Variants in LMO7 observed in about 807,000 individuals in gnomAD.
LMO7 encodes the protein LIM domain 7.
LMO7 carries 120 observed loss-of-function variants against 206.5 expected under a neutral mutation model. The ratio of observed to expected loss-of-function variants is 0.58; its 90% CI spans 0.50 to 0.68. The LOEUF is 0.68. Ranked by LOEUF, LMO7 falls within the 30% of genes least tolerant of loss-of-function variation. LMO7 has a pLI of 0.00. For synonymous variants in LMO7, 706 were observed against 681.5 expected, an observed-to-expected ratio of 1.04 and a Z score of -0.56; for missense variants, 1,959 against 1,957.9, an observed-to-expected ratio of 1.00 and a Z score of -0.01.
rs2060258663 is a variant in LMO7 at position 75,849,073 on chromosome 13, AT to A, written c.4151-3del. ...TCCCAAAGCTTTTGATTTGTTTTTA[AT>A]TTAGGAAACAATAAATATTTAGACC... On this transcript the variant is annotated splice_polypyrimidine_tract_variant and splice_region_variant and intron_variant, in intron 26 of 30. Transcript: ENST00000377534. 6.4e-7 allele frequency: 1 copy of A among 1,552,460 alleles called. No individual in the cohort carries two copies. The highest frequency in any genetic ancestry group is 1.4e-5 in the African/African-American group (1 of 73,340).
In LMO7 at chr13:75,681,706, G is replaced by GTGTATATATATATATA. The variant is rs1259746833; in HGVS notation, c.70-31475_70-31474insGTATATATATATATAT. On this transcript the variant is annotated intron_variant, in intron 1 of 30. Transcript: ENST00000377534. ...ATGTCATGTATGTATGTATGTATGT[G>GTGTATATATATATATA]TATATATATATGTATATATATATAT... Among the ~76,000 whole-genome samples the GTGTATATATATATATA allele has an allele frequency of 7.1e-4, 66 of 93,276 alleles. 2 individuals carry two copies. The highest frequency in any genetic ancestry group is 1.2e-3 in the Non-Finnish European group (53 of 44,972). 61.2% of individuals were successfully genotyped at this position (93,276 alleles called of 152,430 possible).
At position 75,839,922 on chromosome 13, in the gene LMO7, C is replaced by G. The variant is rs1023449771; in HGVS notation, c.3452-163C>G. The G allele has an allele frequency of 6.6e-6, 4 of 604,874 alleles. No homozygotes were observed. The South Asian group carries it at 7.2e-5, about 11-fold the overall frequency. The allele number at this position is 604,874 out of a possible 1,614,324, so 37.5% of individuals were successfully genotyped here. ...ATGAGTAACAGATGGAACTGTTACA[C>G]CTGGAGAAAAAAGGATTTACTGACT... is the stretch of plus-strand genomic sequence containing the variant. On this transcript the variant is annotated intron_variant, in intron 20 of 30. Transcript: ENST00000377534.
At chr13:75,710,114 T>C (rs938890922) in intron 1 of LMO7, among the ~76,000 whole-genome samples, 3 of 152,194 alleles carry the variant, frequency 2.0e-5, no homozygotes, top group African/African-American at 4.8e-5. Flanking sequence ...GTTGTAGATA[T>C]GCGGCATTAT....
chr13:75,816,610 C>A (rs1044579280), intron 11 of LMO7, among the ~76,000 whole-genome samples: 1 of 152,166 alleles, frequency 6.6e-6, no homozygotes, highest in Non-Finnish European at 1.5e-5. Flanking sequence ...TTAGAAACTA[C>A]CTGTGGTGCG....
intron 1 of LMO7, among the ~76,000 whole-genome samples, chr13:75,669,929 G>A (rs1018849603): frequency 2.0e-5 from 3 of 152,154 alleles, no homozygotes; most frequent in African/African-American, 4.8e-5. Context: ...CAGTGCCAAG[G>A]GTGTAGAGAA....
intron 4 of LMO7, among the ~76,000 whole-genome samples, chr13:75,761,426 A>G (rs2048210908): frequency 6.6e-6 from 1 of 152,198 alleles, no homozygotes; most frequent in Non-Finnish European, 1.5e-5. Flanking sequence ...GAATTAAGAC[A>G]TAATTATTAG....
intron 26 of LMO7, among the ~76,000 whole-genome samples, chr13:75,847,408 G>A (rs142090299): frequency 2.5e-4 from 38 of 152,304 alleles, no homozygotes; most frequent in Middle Eastern, 3.4e-3. Flanking sequence ...GCTTCTTAGA[G>A]TAGAAGCAAG....
chr13:75,678,349 C>T (rs868106002), intron 1 of LMO7, among the ~76,000 whole-genome samples: 86 of 152,248 alleles, frequency 5.6e-4, no homozygotes, highest in Non-Finnish European at 7.6e-4. Flanking sequence ...TGGTGTGAGA[C>T]GGTATCTCAT....
chr13:75,799,635 G>A (rs1256048888), intron 6 of LMO7, among the ~76,000 whole-genome samples: 1 of 152,026 alleles, frequency 6.6e-6, no homozygotes, highest in East Asian at 1.9e-4. Flanking sequence ...CTTAATCAAG[G>A]TTCACATATG....
intron 1 of LMO7, among the ~76,000 whole-genome samples, chr13:75,696,876 C>A (rs1197776082): frequency 3.3e-5 from 5 of 152,126 alleles, no homozygotes; most frequent in African/African-American, 1.2e-4. Context: ...TGCCACTCTC[C>A]TGAGAGTGGG....
intron 1 of LMO7, among the ~76,000 whole-genome samples, chr13:75,669,641 C>T (rs1014525816): frequency 2.0e-5 from 3 of 152,144 alleles, no homozygotes; most frequent in African/African-American, 7.2e-5. Flanking sequence ...ATATACTATA[C>T]CCTTTGTGCT....
chr13:75,813,944 T>C (rs2056720848), intron 11 of LMO7, among the ~76,000 whole-genome samples: 2 of 152,232 alleles, frequency 1.3e-5, no homozygotes, highest in South Asian at 4.1e-4. Flanking sequence ...TTGAAAAATT[T>C]TTCCTGCCTC....
chr13:75,712,789 G>C (rs1280559994), intron 1 of LMO7, among the ~76,000 whole-genome samples: 1 of 152,172 alleles, frequency 6.6e-6, no homozygotes, highest in African/African-American at 2.4e-5. Context: ...AGTGTATTCA[G>C]TGTCGTTGGT....
At chr13:75,834,421 A>C in intron 17 of LMO7, 34 bp downstream of exon 17, 1 of 1,500,962 alleles carries the variant, frequency 6.7e-7, no homozygotes, top group Non-Finnish European at 9.0e-7. Flanking sequence ...CTGGCATTTG[A>C]AACTGGGACC....
chr13:75,829,769 G>A (rs920300807), intron 15 of LMO7, among the ~76,000 whole-genome samples: 3 of 151,818 alleles, frequency 2.0e-5, no homozygotes, highest in African/African-American at 7.3e-5. Flanking sequence ...AGAAATAAGT[G>A]TTACTGTTGG....
chr13:75,818,698 A>G (rs2057295403), intron 12 of LMO7, among the ~76,000 whole-genome samples: 1 of 152,092 alleles, frequency 6.6e-6, no homozygotes, highest in Non-Finnish European at 1.5e-5. Flanking sequence ...CCCTTCTGAA[A>G]TTGCATACTC....
chr13:75,702,870 A>G lies in LMO7; in HGVS notation c.70-10312A>G, dbSNP rs1298533865. On this transcript the variant is annotated intron_variant, in intron 1 of 30. Transcript: ENST00000377534. ...GTTAAAATTAAGACAGATTATTTAA[A>G]TGAAAAGTTAAACTCTAACATATTC... 3.3e-5 allele frequency among the ~76,000 whole-genome samples: 5 copies of G among 152,362 alleles called. No homozygotes were observed. In the East Asian group the frequency reaches 9.6e-4, roughly 29 times the overall value.
In LMO7 at chr13:75,626,577, T is replaced by TATATATATA. The variant is rs71127564; in HGVS notation, c.225+3257_225+3258insATATATATA. On this transcript the variant is annotated intron_variant, in intron 2 of 29. Coordinates refer to the LMO7 transcript ENST00000341547. ...ATTGTCTACCCTCTTAACATATATA[T>TATATATATA]TATATATATATATATAAATTTTTTT... Among the ~76,000 whole-genome samples the TATATATATA allele has an allele frequency of 4.4e-3, 324 of 74,020 alleles. 13 individuals carry two copies. The highest frequency in any genetic ancestry group is 6.8e-3 in the Middle Eastern group (1 of 146). 48.6% of individuals were successfully genotyped at this position (74,020 alleles called of 152,430 possible). A position where few individuals can be genotyped will look rare whatever the true frequency, so the allele number is the denominator to read the frequency against.
intron 1 of LMO7, among the ~76,000 whole-genome samples, chr13:75,675,543 G>A (rs1253765798): frequency 1.3e-5 from 2 of 151,876 alleles, no homozygotes; most frequent in Non-Finnish European, 2.9e-5. Flanking sequence ...CCTCCTCTTA[G>A]CATTTTGTTT....
Sources: allele counts gnomAD v4.1 joint callset (sites outside exome capture counted in the v4.1 genomes callset), GRCh38; gene constraint gnomAD v4.1.1; transcripts MANE v1.5; gene names NCBI Gene and HGNC (gene_info 2026-07-23, HGNC 2026-07-21).